ALS2CL: variants seen among roughly 807,000 people sequenced by gnomAD.
The protein encoded by ALS2CL is ALS2 C-terminal-like protein.
ALS2CL carries 112 observed loss-of-function variants against 127.9 expected under a neutral mutation model. The ratio of observed to expected loss-of-function variants is 0.88; its 90% CI spans 0.75 to 1.02. The LOEUF (loss-of-function observed/expected upper bound fraction) is 1.02, where lower values mean the gene tolerates loss of function less well. ALS2CL is among the 50% of genes least tolerant of loss of function. The pLI, the probability that ALS2CL is intolerant of heterozygous loss-of-function variation, is 0.00. For missense variants in ALS2CL, 1,174 were observed against 1,236.7 expected (o/e 0.95, Z 0.76); for synonymous variants, 519 against 527.6 (o/e 0.98, Z 0.22).
rs752212052 is a variant in ALS2CL at position 46,674,721 on chromosome 3, TC to T, written c.2273del (p.Gly758AspfsTer37). The T allele has an allele frequency of 6.2e-7, 1 of 1,611,998 alleles. No homozygotes were observed. Among genetic ancestry groups the T allele is most frequent in the East Asian group, 2.2e-5 (1 of 44,824 alleles). On this transcript the variant is annotated frameshift_variant, in exon 21 of 26. Coordinates refer to ENST00000318962, the MANE Select transcript of ALS2CL (RefSeq NM_147129.5). LOFTEE classifies it high-confidence loss of function. ...TGGGCAGCATGAGGGGCAGCACCAA[TC>T]CATGCACCTGGAGGTCCCTGATGGG... Reference protein sequence around the residue: ...DTETRDLQVHGLVLPLMLPSF... With the variant: ...DTETRDLQVHXLVLPLMLPSF...
chr3:46,692,529 G>A (rs973667813), intron 1 of ALS2CL, among the ~76,000 whole-genome samples: 2 of 152,178 alleles, frequency 1.3e-5, no homozygotes, highest in Non-Finnish European at 2.9e-5. Context: ...TGTAGAACTT[G>A]TGCAGGGCTC....
intron 10 of ALS2CL, 116 bp from the exon 11 acceptor site, chr3:46,682,210 C>T: frequency 9.2e-7 from 1 of 1,087,516 alleles, no homozygotes; most frequent in Non-Finnish European, 1.4e-6. Flanking sequence ...TCCCTGCACC[C>T]ACCCAGCCCT....
chr3:46,678,003 A>AG (rs1412565656), intron 16 of ALS2CL, among the ~76,000 whole-genome samples: 1 of 150,778 alleles, frequency 6.6e-6, no homozygotes, highest in Non-Finnish European at 1.5e-5. Flanking sequence ...TTCGAGACAA[A>AG]AAAAAAAAAA....
chr3:46,671,027 A>G lies in ALS2CL; in HGVS notation c.2819T>C (p.Leu940Pro). ...YEHIQKEDMR[L>P]HRLPGHWHSR... ...GTGCCAGTGGCCAGGTAAGCGGTGC[A>G]GCCTCATGTCTTCTTTCTGGATGTG... is the stretch of plus-strand genomic sequence containing the variant. Residue 940 changes from leucine to proline, a missense_variant, in exon 26 of 26, where the codon CTG becomes CCG. Physicochemically the swap from Leu to Pro is moderately conservative, Grantham distance 98 (BLOSUM62 -3). Transcript: ENST00000318962. 6.2e-7 allele frequency: 1 copy of G among 1,614,224 alleles called. No individual in the cohort carries two copies. The highest frequency in any genetic ancestry group is 1.3e-5 in the African/African-American group (1 of 75,066).
At chr3:46,692,084 C>T (rs1002427971) in intron 1 of ALS2CL, among the ~76,000 whole-genome samples, 1 of 152,138 alleles carries the variant, frequency 6.6e-6, no homozygotes, top group South Asian at 2.1e-4. Context: ...AACTGAGTCA[C>T]ACCACCCAGA....
chr3:46,676,378 G>C lies in ALS2CL; in HGVS notation c.2053C>G (p.Leu685Val). Reference protein sequence around the residue: ...RKALSNSLHPLGKLLRTLMLT... With the variant: ...RKALSNSLHPVGKLLRTLMLT... Reference sequence around the variant, plus strand: ...ATCAGTGTCCGGAGCAGCTTTCCCAGGGGGTGCAGTGAGTTGCTCAGAGCC... The same window carrying C: ...ATCAGTGTCCGGAGCAGCTTTCCCACGGGGTGCAGTGAGTTGCTCAGAGCC... Residue 685 changes from leucine to valine, a missense_variant, in exon 19 of 26, where the codon CTG becomes GTG. By Grantham distance (32) the Leu-to-Val change is conservative. Coordinates refer to ENST00000318962, the MANE Select transcript of ALS2CL (RefSeq NM_147129.5). The C allele has an allele frequency of 1.2e-6, 2 of 1,613,926 alleles. No homozygotes were observed. Among genetic ancestry groups the C allele is most frequent in the South Asian group, 1.1e-5 (1 of 91,074 alleles).
chr3:46,677,996 G>GAAA (rs1198462674), intron 16 of ALS2CL, among the ~76,000 whole-genome samples: 4 of 107,798 alleles, frequency 3.7e-5, no homozygotes, highest in Admixed American at 1.7e-4. Context: ...GTATCCTTTC[G>GAAA]AGACAAAAAA....
chr3:46,686,246 C>T lies in ALS2CL; in HGVS notation c.666+62G>A, dbSNP rs182500904. On this transcript the variant is annotated intron_variant, in intron 6 of 25. Coordinates refer to ENST00000318962, the MANE Select transcript of ALS2CL (RefSeq NM_147129.5). The surrounding 1 kb of genome is among the most constrained non-coding windows in gnomAD (Gnocchi z 4.3). ...GAATACAGCAAGCAGCTCAAGCCCC[C>T]CAACATCTCCATGCCCAATGTGGAA... The T allele has an allele frequency of 2.7e-4, 416 of 1,529,164 alleles. No homozygotes were observed. The African/African-American group carries it at 5.0e-3, about 18-fold the overall frequency. The allele number at this position is 1,529,164 out of a possible 1,614,324, so 94.7% of individuals were successfully genotyped here. A position where few individuals can be genotyped will look rare whatever the true frequency, so the allele number is the denominator to read the frequency against.
intron 16 of ALS2CL, 40 bp from the exon 17 acceptor site, chr3:46,677,062 G>A: frequency 6.4e-7 from 1 of 1,562,608 alleles, no homozygotes; most frequent in Non-Finnish European, 8.6e-7. Context: ...GGCAGAGAGA[G>A]ATGGAGCTGA....
Position 46,676,642 on chromosome 3 carries a change from C to T in ALS2CL, c.2028G>A (p.Lys676=). 1 of 1,613,232 alleles carries T rather than the reference C, an allele frequency of 6.2e-7. No homozygotes were observed. The highest frequency in any genetic ancestry group is 1.3e-5 in the African/African-American group (1 of 75,010). ...TTGGCCACCCCAGCAGGGCTCTCAC[C>T]TTCCTGAGGTACAGCTGCAGGGCCT... ...EPKALQLYLR[K]ALSNSLHPLG... Residue 676 remains lysine, a splice_region_variant and synonymous_variant, in exon 18 of 26, where the codon AAG becomes AAA. Transcript: ENST00000318962.
In ALS2CL at chr3:46,689,338, C is replaced by G. The variant is rs769582701; in HGVS notation, c.103G>C (p.Ala35Pro). Reference sequence around the variant, plus strand: ...TCCCCACTAGAAAGCCTAGACTCACCGGCTGGGAGCAGGGGCTGGAGGACA... The same window carrying G: ...TCCCCACTAGAAAGCCTAGACTCACGGGCTGGGAGCAGGGGCTGGAGGACA... ...SLVLQPLLPAAPDPSDPWGRE... is the reference protein window; with the variant it reads ...SLVLQPLLPAPPDPSDPWGRE... Residue 35 changes from alanine to proline, a missense_variant and splice_region_variant, in exon 2 of 26, where the codon GCC becomes CCC. Transcript: ENST00000318962. The G allele has an allele frequency of 2.5e-6, 4 of 1,612,660 alleles. No individual in the cohort carries two copies. In the South Asian group the frequency reaches 3.3e-5, roughly 13 times the overall value.
At position 46,671,947 on chromosome 3, in the gene ALS2CL, C is replaced by A. The variant is rs747635599; in HGVS notation, c.2621G>T (p.Arg874Leu). The A allele has an allele frequency of 1.2e-6, 2 of 1,613,950 alleles. No individual in the cohort carries two copies. Among genetic ancestry groups the A allele is most frequent in the Non-Finnish European group, 1.7e-6 (2 of 1,179,992 alleles). ...GTCGTCCATGGGCAGCTTGTACTCC[C>A]GGCCCAATACCCTCGACACCGTGCC... ...IEGTVSRVLG[R>L]EYKLPMDDLL... The change falls in exon 24 of 26, where the codon CGG (arginine) becomes CTG (leucine). Residue 874 changes from arginine to leucine, a missense_variant. Arg to Leu is a moderately radical substitution (Grantham distance 102, BLOSUM62 -2). Coordinates refer to ENST00000318962, the MANE Select transcript of ALS2CL (RefSeq NM_147129.5).
Position 46,686,191 on chromosome 3 carries a change from C to T in ALS2CL, c.666+117G>A, listed in dbSNP as rs1179664812. ...AGCCACCTGCTTCAGCCATCACTCC[C>T]CCTTCCATATAGGGAAACTGAGGCC... On this transcript the variant is annotated intron_variant, in intron 6 of 25. Transcript: ENST00000318962. This position sits in a 1 kb window ranked among gnomAD's most constrained non-coding sequence, Gnocchi z 4.3. 1.4e-6 allele frequency: 2 copies of T among 1,388,754 alleles called. No individual in the cohort carries two copies. Among genetic ancestry groups the T allele is most frequent in the African/African-American group, 2.9e-5 (2 of 68,476 alleles). The allele number at this position is 1,388,754 out of a possible 1,614,324, so 86.0% of individuals were successfully genotyped here. A position where few individuals can be genotyped will look rare whatever the true frequency, so the allele number is the denominator to read the frequency against.
At chr3:46,675,566 G>A (rs370604751) in intron 20 of ALS2CL, 52 bp downstream of exon 20, 12 of 1,561,012 alleles carry the variant, frequency 7.7e-6, no homozygotes, top group African/African-American at 5.4e-5. Context: ...AGGAGCAGAC[G>A]CATGAGGCCT....
At chr3:46,671,627 G>A in intron 24 of ALS2CL, 43 bp from the exon 25 acceptor site, 1 of 1,613,316 alleles carries the variant, frequency 6.2e-7, no homozygotes, top group South Asian at 1.1e-5. Context: ...GAGACAAGGA[G>A]AAGAGGCCTG....
chr3:46,681,888 G>T lies in ALS2CL; in HGVS notation c.1175+141C>A. 2 of 1,101,162 alleles carry T rather than the reference G, an allele frequency of 1.8e-6. No individual in the cohort carries two copies. Among genetic ancestry groups the T allele is most frequent in the South Asian group, 3.0e-5 (2 of 66,016 alleles). 68.2% of individuals were successfully genotyped at this position (1,101,162 alleles called of 1,614,324 possible). On this transcript the variant is annotated intron_variant, in intron 11 of 25. Coordinates refer to ENST00000318962, the MANE Select transcript of ALS2CL (RefSeq NM_147129.5). This position sits in a 1 kb window ranked among gnomAD's most constrained non-coding sequence, Gnocchi z 4.9. ...CCGGTTCCCCTTTGGTACAGTGGGC[G>T]GGGGCTGGACCGGATTGTCTCTAAG...
chr3:46,688,383 A>G, intron 2 of ALS2CL, 87 bp from the exon 3 acceptor site: 1 of 1,317,618 alleles, frequency 7.6e-7, no homozygotes, highest in South Asian at 1.3e-5. Flanking sequence ...TGTTCACATG[A>G]GAGCCACCAG....
At chr3:46,692,090 C>T (rs75589899) in intron 1 of ALS2CL, among the ~76,000 whole-genome samples, 7,436 of 152,176 alleles carry the variant, frequency 0.049, 314 homozygotes, top group South Asian at 0.13. Context: ...GTCACACCAC[C>T]CAGAGGAACG....
At position 46,686,521 on chromosome 3, in the gene ALS2CL, G is replaced by A. The variant is rs773310140; in HGVS notation, c.535-82C>T. 6.9e-5 allele frequency: 106 copies of A among 1,531,514 alleles called. No individual in the cohort carries two copies. The highest frequency in any genetic ancestry group is 4.9e-4 in the Admixed American group (25 of 51,440). The allele number at this position is 1,531,514 out of a possible 1,614,324, so 94.9% of individuals were successfully genotyped here. A position where few individuals can be genotyped will look rare whatever the true frequency, so the allele number is the denominator to read the frequency against. ...CAGTCCTGGTCCCGGCTGGTGGGGAGGCCTGAATCTAGGCCAGACCTTGCC... is the reference window on the plus strand; with the variant it reads ...CAGTCCTGGTCCCGGCTGGTGGGGAAGCCTGAATCTAGGCCAGACCTTGCC... On this transcript the variant is annotated intron_variant, in intron 5 of 25. Coordinates refer to ENST00000318962, the MANE Select transcript of ALS2CL (RefSeq NM_147129.5). The surrounding 1 kb of genome is among the most constrained non-coding windows in gnomAD (Gnocchi z 4.3).
Sources: gnomAD v4.1 joint callset for allele counts (sites outside exome capture counted in the v4.1 genomes callset) on GRCh38, gnomAD v4.1.1 for gene constraint, Gnocchi (gnomAD v3.1) non-coding constraint, MANE v1.5 for transcripts, NCBI Gene and HGNC (gene_info 2026-07-23, HGNC 2026-07-21) for gene names.